Variants in DMD observed in about 807,000 individuals in gnomAD.
DMD encodes the protein dystrophin, also known as mutant dystrophin.
Under a neutral mutation model 330.1 loss-of-function variants are expected in DMD, and 63 were observed. That is an observed-to-expected ratio of 0.19 (90% CI 0.16 to 0.24). DMD has a LOEUF of 0.24. Among genes scored for constraint, DMD ranks in the 10% least tolerant of loss-of-function variants. DMD has a pLI of 1.00. For missense variants in DMD, 3,344 were observed against 2,684.1 expected (o/e 1.25, Z -5.43); for synonymous variants, 1,223 against 959.8 (o/e 1.27, Z -5.07).
chrX:32,877,921 C>A (rs2083503777), intron 2 of DMD, among the ~76,000 whole-genome samples: 1 of 111,997 alleles, frequency 8.9e-6, no homozygotes, highest in East Asian at 2.8e-4. Flanking sequence ...CATTCCTATT[C>A]TACTTCTCTT....
chrX:32,040,506 A>C (rs2095992006), intron 44 of DMD, among the ~76,000 whole-genome samples: 2 of 112,002 alleles, frequency 1.8e-5, no homozygotes, highest in South Asian at 7.5e-4. Context: ...CCAGAGAATG[A>C]TTTGAAAACC....
At chrX:32,558,938 CTTTTTTTTTT>C (rs60739281) in intron 16 of DMD, among the ~76,000 whole-genome samples, 5 of 50,827 alleles carry the variant, frequency 9.8e-5, no homozygotes, top group African/African-American at 1.0e-4. Flanking sequence ...TTCAAATTTT[CTTTTTTTTTT>C]TTTTTTTTTT....
chrX:31,833,359 A>AGAGAGAG (rs2093115275), intron 49 of DMD, among the ~76,000 whole-genome samples: 6 of 50,461 alleles, frequency 1.2e-4, no homozygotes, highest in African/African-American at 2.5e-4. Flanking sequence ...GAGGGAGGGA[A>AGAGAGAG]AGAGAGAGAG....
intron 1 of DMD, among the ~76,000 whole-genome samples, chrX:33,166,122 G>A (rs1192110046): frequency 9.0e-6 from 1 of 111,231 alleles, no homozygotes; most frequent in Non-Finnish European, 1.9e-5. Flanking sequence ...AGGAATACCA[G>A]GTCAAGAGAG....
intron 17 of DMD, among the ~76,000 whole-genome samples, chrX:32,543,635 A>T (rs754866133): frequency 8.9e-6 from 1 of 112,318 alleles, no homozygotes; most frequent in Non-Finnish European, 1.9e-5. Context: ...AAAGAAATTC[A>T]TCAAAAGCTT....
At chrX:32,467,902 A>G (rs1031999947) in intron 23 of DMD, among the ~76,000 whole-genome samples, 2 of 109,993 alleles carry the variant, frequency 1.8e-5, no homozygotes, top group African/African-American at 6.6e-5. Context: ...ACATTAATAC[A>G]CCTACATTTC....
chrX:33,071,734 T>C (rs1177474451), intron 1 of DMD, among the ~76,000 whole-genome samples: 6 of 111,741 alleles, frequency 5.4e-5, no homozygotes, highest in Non-Finnish European at 9.4e-5. Context: ...CTTACGCCAT[T>C]AAATGAATTT....
At chrX:32,168,028 C>T (rs928256307) in intron 44 of DMD, among the ~76,000 whole-genome samples, 1 of 112,603 alleles carries the variant, frequency 8.9e-6, no homozygotes, top group Non-Finnish European at 1.9e-5. Context: ...TTCTTCACTG[C>T]TGCATCTTTT....
intron 30 of DMD, among the ~76,000 whole-genome samples, chrX:32,401,136 G>A (rs191626465): frequency 0.017 from 1,618 of 95,764 alleles, 43 homozygotes; most frequent in African/African-American, 0.061. Context: ...AACAATGAGA[G>A]CACATGGACA....
At chrX:32,703,171 A>G (rs1458013231) in intron 7 of DMD, among the ~76,000 whole-genome samples, 3 of 110,987 alleles carry the variant, frequency 2.7e-5, no homozygotes, top group Non-Finnish European at 3.8e-5. Flanking sequence ...CCTATTCCCA[A>G]TCTGAAATGT....
chrX:31,374,566 A>G (rs1453665499), intron 60 of DMD, among the ~76,000 whole-genome samples: 1 of 104,566 alleles, frequency 9.6e-6, no homozygotes, highest in Non-Finnish European at 2.0e-5. Flanking sequence ...GTAAACTATC[A>G]CATGGACAAA....
At chrX:31,673,458 C>T (rs374228977) in intron 53 of DMD, among the ~76,000 whole-genome samples, 3 of 110,281 alleles carry the variant, frequency 2.7e-5, no homozygotes, top group Admixed American at 9.7e-5. Flanking sequence ...ACTAAAAACA[C>T]GAGAAATAGT....
chrX:31,134,421 CTTTTT>C (rs35286502), intron 76 of DMD, among the ~76,000 whole-genome samples: 6 of 79,624 alleles, frequency 7.5e-5, no homozygotes, highest in Non-Finnish European at 4.8e-5. Context: ...AACTGTATAT[CTTTTT>C]TTTTTTTTTT....
In DMD at chrX:32,824,644, G is replaced by A. The variant is rs1384801961; in HGVS notation, c.265-1257C>T. 3.6e-5 allele frequency among the ~76,000 whole-genome samples: 4 copies of A among 111,617 alleles called. No homozygotes were observed. The East Asian group carries it at 1.1e-3, about 31-fold the overall frequency. ...GAATGTTCTTATAAAAGGGCAATAT[G>A]AGGGACCCTTGTAATGGTGGAACTG... On this transcript the variant is annotated intron_variant, in intron 4 of 78. Coordinates refer to ENST00000357033, the MANE Select transcript of DMD (RefSeq NM_004006.3).
chrX:32,277,065 C>T (rs944292367), intron 43 of DMD, among the ~76,000 whole-genome samples: 1 of 111,926 alleles, frequency 8.9e-6, no homozygotes, highest in African/African-American at 3.2e-5. Flanking sequence ...TAAAGCTACA[C>T]ACAGACTGGA....
In DMD at chrX:31,565,148, C is replaced by T. The variant is rs1369501565; in HGVS notation, c.8218-57695G>A. ...AACCAGTATACCCCTGACCCCGTCT[C>T]CCTGAAGGTAAAACCTTGCAAAAAT... is the stretch of plus-strand genomic sequence containing the variant. On this transcript the variant is annotated intron_variant, in intron 55 of 78. Transcript: ENST00000357033. 5.4e-5 allele frequency among the ~76,000 whole-genome samples: 6 copies of T among 111,746 alleles called. No individual in the cohort carries two copies. In the Admixed American group the frequency reaches 5.7e-4, roughly 11 times the overall value.
intron 48 of DMD, among the ~76,000 whole-genome samples, chrX:31,867,091 G>GAT (rs35804192): frequency 0.29 from 29,261 of 101,043 alleles, 3,516 homozygotes; most frequent in Admixed American, 0.42. Flanking sequence ...AACATATTTT[G>GAT]ATATATATAT....
At chrX:32,694,189 C>G (rs1253784640) in intron 9 of DMD, among the ~76,000 whole-genome samples, 1 of 111,110 alleles carries the variant, frequency 9.0e-6, no homozygotes. Flanking sequence ...TTGCTGATGC[C>G]TCATCATATA....
At chrX:33,010,346 ATG>A (rs1468285485) in intron 2 of DMD, among the ~76,000 whole-genome samples, 1 of 105,011 alleles carries the variant, frequency 9.5e-6, no homozygotes, top group African/African-American at 3.7e-5. Context: ...GTACATATAT[ATG>A]TGTGTATGTA....
Sources: gnomAD v4.1 joint callset for allele counts (sites outside exome capture counted in the v4.1 genomes callset) on GRCh38, gnomAD v4.1.1 for gene constraint, MANE v1.5 for transcripts, NCBI Gene and HGNC (gene_info 2026-07-23, HGNC 2026-07-21) for gene names.